The following PTPRD variants were observed in gnomAD, a reference collection of about 807,000 sequenced individuals.
PTPRD encodes the protein protein tyrosine phosphatase receptor type D, also known as receptor-type tyrosine-protein phosphatase delta.
PTPRD carries 34 observed loss-of-function variants against 214.5 expected under a neutral mutation model. That is an observed-to-expected ratio of 0.16 (90% CI 0.12 to 0.21). PTPRD has a LOEUF of 0.21. Among genes scored for constraint, PTPRD ranks in the 10% least tolerant of loss-of-function variants. The pLI is 1.00. For synonymous variants in PTPRD, 1,128 were observed against 845.7 expected (o/e 1.33, Z -5.79); for missense variants, 2,545 against 2,398.7 (o/e 1.06, Z -1.27).
intron 3 of PTPRD, among the ~76,000 whole-genome samples, chr9:10,233,573 C>T (rs899855469): frequency 4.6e-5 from 7 of 151,788 alleles, no homozygotes; most frequent in Non-Finnish European, 7.4e-5. Flanking sequence ...AAGTTATGAG[C>T]AATACCAAGA....
intron 8 of PTPRD, among the ~76,000 whole-genome samples, chr9:9,407,567 C>T (rs2073951534): frequency 1.3e-5 from 2 of 151,684 alleles, no homozygotes; most frequent in African/African-American, 2.4e-5. Flanking sequence ...AACACAAAAT[C>T]TATTTTTTTG....
intron 3 of PTPRD, among the ~76,000 whole-genome samples, chr9:10,193,143 G>C (rs76768182): frequency 2.0e-5 from 3 of 151,312 alleles, no homozygotes; most frequent in Non-Finnish European, 4.4e-5. Flanking sequence ...CCCCTTCCCC[G>C]TTAAATGATC....
intron 8 of PTPRD, among the ~76,000 whole-genome samples, chr9:9,472,998 A>T (rs974619627): frequency 1.3e-5 from 2 of 152,134 alleles, no homozygotes; most frequent in African/African-American, 4.8e-5. Context: ...CCTTTTCTAG[A>T]TTTTTGAAAA....
intron 3 of PTPRD, among the ~76,000 whole-genome samples, chr9:10,300,794 C>T (rs1357106568): frequency 1.3e-5 from 2 of 152,048 alleles, no homozygotes; most frequent in Non-Finnish European, 2.9e-5. Context: ...ACCCCCATCT[C>T]CCTGAGACCG....
chr9:10,395,181 C>T (rs1482987812), intron 2 of PTPRD, among the ~76,000 whole-genome samples: 3 of 151,260 alleles, frequency 2.0e-5, no homozygotes, highest in African/African-American at 7.3e-5. Flanking sequence ...ATACATGTGC[C>T]ATGTTGGTGT....
At chr9:8,753,566 TAG>T (rs200220380) in intron 11 of PTPRD, among the ~76,000 whole-genome samples, 7,693 of 152,292 alleles carry the variant, frequency 0.051, 482 homozygotes, top group African/African-American at 0.15. Flanking sequence ...TCAACTTGAC[TAG>T]TTACTAGAAT....
intron 7 of PTPRD, among the ~76,000 whole-genome samples, chr9:9,722,465 A>T (rs1197830018): frequency 6.6e-6 from 1 of 152,092 alleles, no homozygotes; most frequent in Non-Finnish European, 1.5e-5. Flanking sequence ...AAATTTATTC[A>T]TCAATTGATG....
At chr9:10,555,765 C>T (rs1418811770) in intron 2 of PTPRD, among the ~76,000 whole-genome samples, 1 of 151,942 alleles carries the variant, frequency 6.6e-6, no homozygotes, top group Non-Finnish European at 1.5e-5. Flanking sequence ...AACCACAAAA[C>T]TCAATCATCA....
At chr9:9,459,210 C>T (rs1227539144) in intron 8 of PTPRD, among the ~76,000 whole-genome samples, 4 of 151,946 alleles carry the variant, frequency 2.6e-5, no homozygotes, top group East Asian at 1.9e-4. Context: ...AAAGCCACCA[C>T]ACAAAAGCTA....
At chr9:8,741,240 C>A (rs534780946) in intron 11 of PTPRD, among the ~76,000 whole-genome samples, 1 of 152,122 alleles carries the variant, frequency 6.6e-6, no homozygotes, top group African/African-American at 2.4e-5. Flanking sequence ...CCCTTTGTAT[C>A]TATTGTTCCC....
chr9:8,848,630 C>A (rs565021259), intron 11 of PTPRD, among the ~76,000 whole-genome samples: 10 of 150,850 alleles, frequency 6.6e-5, no homozygotes, highest in Non-Finnish European at 1.5e-4. Flanking sequence ...GAATTTGAGT[C>A]AAGAAAGCAC....
At chr9:8,463,846 G>A (rs1447226500) in intron 32 of PTPRD, among the ~76,000 whole-genome samples, 4 of 151,752 alleles carry the variant, frequency 2.6e-5, no homozygotes, top group Non-Finnish European at 5.9e-5. Context: ...AAACTGATAT[G>A]GAAATTTGAG....
intron 3 of PTPRD, among the ~76,000 whole-genome samples, chr9:10,298,351 T>C (rs2095750573): frequency 6.6e-6 from 1 of 151,380 alleles, no homozygotes; most frequent in Non-Finnish European, 1.5e-5. Flanking sequence ...AAGGAACCTA[T>C]TTGCCAAATT....
chr9:8,321,524 TATAAAA>T (rs1268376512), intron 44 of PTPRD, among the ~76,000 whole-genome samples: 15 of 127,066 alleles, frequency 1.2e-4, no homozygotes, highest in African/African-American at 3.7e-4. Context: ...TATATATATA[TATAAAA>T]GGTATATGCA....
intron 30 of PTPRD, 150 bp from the exon 31 acceptor site, chr9:8,471,235 C>T: frequency 1.5e-6 from 1 of 654,108 alleles, no homozygotes; most frequent in South Asian, 1.8e-5. Flanking sequence ...CAAATATCCA[C>T]CTGTTTGTTC....
intron 10 of PTPRD, among the ~76,000 whole-genome samples, chr9:9,103,276 T>G (rs2154443045): frequency 6.6e-6 from 1 of 152,286 alleles, no homozygotes; most frequent in African/African-American, 2.4e-5. Flanking sequence ...TCACCTAATG[T>G]CATTAGGAAA....
chr9:10,319,036 T>C (rs79222843), intron 3 of PTPRD, among the ~76,000 whole-genome samples: 1,678 of 152,150 alleles, frequency 0.011, 15 homozygotes, highest in Non-Finnish European at 0.017. Context: ...CTTCCATCTT[T>C]TATGGAATCA....
intron 11 of PTPRD, among the ~76,000 whole-genome samples, chr9:9,000,232 G>A (rs1325318966): frequency 1.3e-5 from 2 of 152,010 alleles, no homozygotes; most frequent in Non-Finnish European, 2.9e-5. Context: ...TTTTAGAACG[G>A]CAGTCCTGCT....
chr9:8,535,615 G>A (rs1326573363), intron 14 of PTPRD, among the ~76,000 whole-genome samples: 2 of 151,924 alleles, frequency 1.3e-5, no homozygotes, highest in East Asian at 1.9e-4. Context: ...TCAGGGAAGG[G>A]GCATTAAGTA....
Sources: gnomAD v4.1 joint callset for allele counts (sites outside exome capture counted in the v4.1 genomes callset) on GRCh38, gnomAD v4.1.1 for gene constraint, MANE v1.5 for transcripts, NCBI Gene and HGNC (gene_info 2026-07-23, HGNC 2026-07-21) for gene names.